MEIKIN: variants seen among roughly 807,000 people sequenced by gnomAD.
The protein encoded by MEIKIN is meiotic kinetochore factor, also known as meiosis-specific kinetochore protein.
chr5:131,851,448 A>G (rs1750113935), intron 10 of MEIKIN, 65 bp from the exon 11 acceptor site: 1 of 395,108 alleles, frequency 2.5e-6, no homozygotes, highest in Non-Finnish European at 4.5e-6. Flanking sequence ...TTTTTAAGTA[A>G]TTAAAGAAAA....
intron 11 of MEIKIN, among the ~76,000 whole-genome samples, chr5:131,827,273 T>C (rs964114229): frequency 6.6e-6 from 1 of 152,118 alleles, no homozygotes; most frequent in African/African-American, 2.4e-5. Context: ...GTGTGAGACA[T>C]CATGACCAGC....
At position 131,854,737 on chromosome 5, in the gene MEIKIN, C is replaced by G. The variant is rs1290364608; in HGVS notation, c.855+17G>C. ...GCCAGAAAACAGATACTACAAGTGC[C>G]AAATGCTAATACTTACCACAAAACC... is the stretch of plus-strand genomic sequence containing the variant. On this transcript the variant is annotated intron_variant, in intron 10 of 12. Coordinates refer to ENST00000442687, the MANE Select transcript of MEIKIN (RefSeq NM_001303622.2). 2.5e-6 allele frequency: 1 copy of G among 397,486 alleles called. No homozygotes were observed. Among genetic ancestry groups the G allele is most frequent in the Non-Finnish European group, 4.4e-6 (1 of 225,414 alleles). 24.6% of individuals were successfully genotyped at this position (397,486 alleles called of 1,614,324 possible). A position where few individuals can be genotyped will look rare whatever the true frequency, so the allele number is the denominator to read the frequency against.
intron 11 of MEIKIN, among the ~76,000 whole-genome samples, chr5:131,826,318 T>A (rs1038837789): frequency 6.6e-6 from 1 of 152,070 alleles, no homozygotes; most frequent in Non-Finnish European, 1.5e-5. Context: ...ATATATGTAA[T>A]ATAAACAAAC....
At chr5:131,827,840 A>G (rs936332568) in intron 11 of MEIKIN, among the ~76,000 whole-genome samples, 6 of 152,210 alleles carry the variant, frequency 3.9e-5, no homozygotes, top group South Asian at 2.1e-4. Flanking sequence ...CACGCAACAT[A>G]TAATAAAAAT....
chr5:131,870,735 A>C (rs1167893895), intron 9 of MEIKIN, among the ~76,000 whole-genome samples: 5 of 152,124 alleles, frequency 3.3e-5, no homozygotes, highest in Non-Finnish European at 1.5e-5. Context: ...TACAGGCAAA[A>C]TTATCTTGAA....
chr5:131,875,676 C>T (rs1025811371), intron 9 of MEIKIN, among the ~76,000 whole-genome samples: 13 of 152,100 alleles, frequency 8.5e-5, no homozygotes, highest in African/African-American at 9.7e-5. Context: ...AAAAAGAGCC[C>T]GCATCGCCAA....
chr5:131,886,059 C>A (rs981053384), intron 8 of MEIKIN, among the ~76,000 whole-genome samples: 1 of 152,120 alleles, frequency 6.6e-6, no homozygotes, highest in Non-Finnish European at 1.5e-5. Flanking sequence ...CAGAATTGAT[C>A]TAGCAGAAGA....
chr5:131,846,143 T>G (rs2149613236), intron 11 of MEIKIN, among the ~76,000 whole-genome samples: 1 of 152,176 alleles, frequency 6.6e-6, no homozygotes, highest in South Asian at 2.1e-4. Flanking sequence ...AAAAGAAAAA[T>G]ATCTGTGAAC....
At chr5:131,928,897 C>A (rs1030161529) in intron 5 of MEIKIN, among the ~76,000 whole-genome samples, 1 of 152,140 alleles carries the variant, frequency 6.6e-6, no homozygotes, top group Non-Finnish European at 1.5e-5. Context: ...ATATATTTAT[C>A]TTTACCAATG....
chr5:131,816,018 C>T (rs1432295960), intron 12 of MEIKIN, among the ~76,000 whole-genome samples: 1 of 152,166 alleles, frequency 6.6e-6, no homozygotes, highest in East Asian at 1.9e-4. Flanking sequence ...TAATAGTTAA[C>T]TTTATATCAC....
At chr5:131,873,592 A>G (rs1206459945) in intron 9 of MEIKIN, among the ~76,000 whole-genome samples, 5 of 152,214 alleles carry the variant, frequency 3.3e-5, no homozygotes. Context: ...CAGATCAATG[A>G]GACAGAAAGT....
intron 11 of MEIKIN, among the ~76,000 whole-genome samples, chr5:131,836,907 C>T (rs541046480): frequency 6.6e-6 from 1 of 152,212 alleles, no homozygotes; most frequent in South Asian, 2.1e-4. Context: ...CATTAGATCC[C>T]ATTTGTCAAT....
At chr5:131,891,744 T>C (rs1218123477) in intron 8 of MEIKIN, among the ~76,000 whole-genome samples, 3 of 152,200 alleles carry the variant, frequency 2.0e-5, no homozygotes, top group Non-Finnish European at 4.4e-5. Context: ...ATGTGTGAAT[T>C]TGATCCTGTC....
At chr5:131,940,621 G>A (rs1440391202) in intron 4 of MEIKIN, among the ~76,000 whole-genome samples, 3 of 152,040 alleles carry the variant, frequency 2.0e-5, no homozygotes, top group Non-Finnish European at 4.4e-5. Flanking sequence ...TGTTTATATG[G>A]CAGTAAGTAA....
chr5:131,824,943 T>G (rs1749585930), intron 11 of MEIKIN, among the ~76,000 whole-genome samples: 1 of 152,040 alleles, frequency 6.6e-6, no homozygotes, highest in South Asian at 2.1e-4. Flanking sequence ...CCCAGTACTT[T>G]GAGAGGCTGA....
chr5:131,885,167 T>A (rs554191987), intron 8 of MEIKIN, among the ~76,000 whole-genome samples: 1 of 152,100 alleles, frequency 6.6e-6, no homozygotes, highest in Admixed American at 6.6e-5. Flanking sequence ...TGCAGAGCCT[T>A]AGGGCCTTGA....
chr5:131,815,331 G>T (rs1489255157), intron 12 of MEIKIN, among the ~76,000 whole-genome samples: 1 of 152,194 alleles, frequency 6.6e-6, no homozygotes, highest in Non-Finnish European at 1.5e-5. Flanking sequence ...GAGTTCTCCA[G>T]AGGGCTATAT....
At chr5:131,842,425 A>T (rs147669124) in intron 11 of MEIKIN, among the ~76,000 whole-genome samples, 3 of 152,240 alleles carry the variant, frequency 2.0e-5, no homozygotes, top group African/African-American at 4.8e-5. Context: ...TGAGTATATT[A>T]GTTGTGGGCT....
At chr5:131,939,969 T>C (rs1751841569) in intron 4 of MEIKIN, among the ~76,000 whole-genome samples, 1 of 152,232 alleles carries the variant, frequency 6.6e-6, no homozygotes, top group Non-Finnish European at 1.5e-5. Context: ...TATTTGAACC[T>C]GTATTATCTT....
Sources: gnomAD v4.1 joint callset for allele counts (sites outside exome capture counted in the v4.1 genomes callset) on GRCh38, gnomAD v4.1.1 for gene constraint, MANE v1.5 for transcripts, NCBI Gene and HGNC (gene_info 2026-07-23, HGNC 2026-07-21) for gene names.